Variants in DIABLO observed in about 807,000 individuals in gnomAD.
DIABLO encodes diablo homolog, mitochondrial.
A neutral mutation model predicts 31.7 loss-of-function variants in DIABLO; 32 were observed. The ratio of observed to expected loss-of-function variants is 1.01; its 90% CI spans 0.76 to 1.35. The LOEUF (loss-of-function observed/expected upper bound fraction) is 1.35, where lower values mean the gene tolerates loss of function less well. Among genes scored for constraint, DIABLO ranks in the 40% most tolerant of loss-of-function variants. The probability of loss-of-function intolerance (pLI) is 0.00; values close to 1 mark genes in which losing one functional copy is unlikely to be tolerated. For synonymous variants in DIABLO, 132 were observed against 103.2 expected (o/e 1.28, Z -1.69); for missense variants, 316 against 286.4 (o/e 1.10, Z -0.75).
chr12:122,225,755 A>G, intron 1 of DIABLO: 31 of 1,438,348 alleles, frequency 2.2e-5, no homozygotes, highest in Non-Finnish European at 2.8e-5. Context: ...TTTCTAGAAG[A>G]TGGACGAACT....
At position 122,207,984 on chromosome 12, in the gene DIABLO, A is replaced by G. The variant is rs1389157722; in HGVS notation, c.*397T>C. 1 of 472,022 alleles carries G rather than the reference A, an allele frequency of 2.1e-6. No individual in the cohort carries two copies. The highest frequency in any genetic ancestry group is 4.2e-6 in the Non-Finnish European group (1 of 239,378). The allele number at this position is 472,022 out of a possible 1,614,324, so 29.2% of individuals were successfully genotyped here. A position where few individuals can be genotyped will look rare whatever the true frequency, so the allele number is the denominator to read the frequency against. On this transcript the variant is annotated 3_prime_UTR_variant, in exon 6 of 6. Coordinates refer to ENST00000464942, the MANE Select transcript of DIABLO (RefSeq NM_001371333.1). ...CCTGCCACAACTGGCATCCCAACAG[A>G]GGGAACAAGTACTAAATCATTTTTG...
At chr12:122,223,553 T>A (rs181298840) in intron 2 of DIABLO, among the ~76,000 whole-genome samples, 1 of 152,272 alleles carries the variant, frequency 6.6e-6, no homozygotes, top group East Asian at 1.9e-4. Flanking sequence ...TCTGGCTTCA[T>A]CTATTACGGT....
chr12:122,209,797 A>C, intron 5 of DIABLO: 1 of 703,572 alleles, frequency 1.4e-6, no homozygotes, highest in South Asian at 1.5e-5. Flanking sequence ...CCTTCAGGAC[A>C]ATGTTGACAG....
Position 122,208,093 on chromosome 12 carries a change from T to C in DIABLO, c.*288A>G, listed in dbSNP as rs1315207272. On this transcript the variant is annotated 3_prime_UTR_variant, in exon 6 of 6. Coordinates refer to ENST00000464942, the MANE Select transcript of DIABLO (RefSeq NM_001371333.1). Reference sequence around the variant, plus strand: ...AAAGGACTCCTCTCTCTGACCCAGGTAGGCAAAATGCTTTGGGTGTGAGGT... The same window carrying C: ...AAAGGACTCCTCTCTCTGACCCAGGCAGGCAAAATGCTTTGGGTGTGAGGT... The C allele has an allele frequency of 3.2e-6, 2 of 627,204 alleles. No homozygotes were observed. The highest frequency in any genetic ancestry group is 1.8e-5 in the African/African-American group (1 of 55,528). The allele number at this position is 627,204 out of a possible 1,614,324, so 38.9% of individuals were successfully genotyped here. A position where few individuals can be genotyped will look rare whatever the true frequency, so the allele number is the denominator to read the frequency against.
Position 122,225,564 on chromosome 12 carries a change from G to C in DIABLO, c.50+401C>G, listed in dbSNP as rs964190740. ...GCGCTAGGTAGAGAGCCCTGCGCCAGCTCCCCCGGCCCCTTCTGCCCTCGG... is the reference window on the plus strand; with the variant it reads ...GCGCTAGGTAGAGAGCCCTGCGCCACCTCCCCCGGCCCCTTCTGCCCTCGG... On this transcript the variant is annotated intron_variant, in intron 1 of 5. Transcript: ENST00000464942. 3.4e-6 allele frequency: 4 copies of C among 1,165,178 alleles called. No individual in the cohort carries two copies. In the African/African-American group the frequency reaches 4.8e-5, roughly 14 times the overall value. 72.2% of individuals were successfully genotyped at this position (1,165,178 alleles called of 1,614,324 possible).
chr12:122,226,058 A>G (rs765847156), upstream of DIABLO: 3 of 1,580,352 alleles, frequency 1.9e-6, no homozygotes, highest in South Asian at 3.4e-5. Flanking sequence ...GAAGTGACGC[A>G]GCTTCGTGAG....
Position 122,218,321 on chromosome 12 carries a change from G to A in DIABLO, c.260C>T (p.Thr87Ile). 1 of 1,614,136 alleles carries A rather than the reference G, an allele frequency of 6.2e-7. No individual in the cohort carries two copies. The highest frequency in any genetic ancestry group is 2.2e-5 in the East Asian group (1 of 44,868). ...CGCATATGTGGTCTGAGAGAGAAAG[G>A]TAGAGGTGCTATCTGTTACCAAAGA... ...AVSLVTDSTS[T>I]FLSQTTYALI... The change falls in exon 3 of 6, where the codon ACC (threonine) becomes ATC (isoleucine). Residue 87 changes from threonine (T) to isoleucine (I), a missense_variant. Coordinates refer to ENST00000464942, the MANE Select transcript of DIABLO (RefSeq NM_001371333.1).
Position 122,207,868 on chromosome 12 carries a change from C to A in DIABLO, c.*513G>T. ...TAATAGGTTTTTCACTCCTTGGCCT[C>A]AGCTGTCCTCACAGGACAGTGGGGG... On this transcript the variant is annotated 3_prime_UTR_variant, in exon 6 of 6. Coordinates refer to ENST00000464942, the MANE Select transcript of DIABLO (RefSeq NM_001371333.1). The A allele has an allele frequency of 2.2e-6, 1 of 460,602 alleles. No homozygotes were observed. The highest frequency in any genetic ancestry group is 4.3e-6 in the Non-Finnish European group (1 of 231,316). 28.5% of individuals were successfully genotyped at this position (460,602 alleles called of 1,614,324 possible). A position where few individuals can be genotyped will look rare whatever the true frequency, so the allele number is the denominator to read the frequency against.
At position 122,208,176 on chromosome 12, in the gene DIABLO, G is replaced by T. The variant is rs1037972156; in HGVS notation, c.*205C>A. On this transcript the variant is annotated 3_prime_UTR_variant, in exon 6 of 6. Coordinates refer to ENST00000464942, the MANE Select transcript of DIABLO (RefSeq NM_001371333.1). ...GGGGTGAAATGTTAAACAGGGTGCAGTGCCCAAGGGCTAAGAACCAGGTCC... is the reference window on the plus strand; with the variant it reads ...GGGGTGAAATGTTAAACAGGGTGCATTGCCCAAGGGCTAAGAACCAGGTCC... 2.8e-6 allele frequency: 2 copies of T among 712,084 alleles called. No homozygotes were observed. Among genetic ancestry groups the T allele is most frequent in the Admixed American group, 4.0e-5 (2 of 49,824 alleles). The allele number at this position is 712,084 out of a possible 1,614,324, so 44.1% of individuals were successfully genotyped here. A position where few individuals can be genotyped will look rare whatever the true frequency, so the allele number is the denominator to read the frequency against.
At chr12:122,214,044 C>T (rs1210446829) in intron 5 of DIABLO, among the ~76,000 whole-genome samples, 1 of 152,070 alleles carries the variant, frequency 6.6e-6, no homozygotes, top group Non-Finnish European at 1.5e-5. Context: ...GAGTTCACAC[C>T]ACTGCACTCC....
intron 5 of DIABLO, among the ~76,000 whole-genome samples, chr12:122,214,317 A>G (rs1954156943): frequency 6.6e-6 from 1 of 152,074 alleles, no homozygotes. Context: ...AGTAGCTGGG[A>G]TTGCAGGTGT....
chr12:122,208,384 A>G lies in DIABLO; in HGVS notation c.717T>C (p.Asp239=), dbSNP rs762179961. ...ESEQEAYLRE[D] Reference sequence around the variant, plus strand: ...ACAGGGCAGTGTGCTCAGGCCCTCAATCCTCACGCAGGTAGGCCTCCTGCT... The same window carrying G: ...ACAGGGCAGTGTGCTCAGGCCCTCAGTCCTCACGCAGGTAGGCCTCCTGCT... The change falls in exon 6 of 6, where the codon GAT becomes GAC. Residue 239 remains aspartate, a synonymous_variant. Transcript: ENST00000464942. 1.2e-6 allele frequency: 2 copies of G among 1,611,814 alleles called. No individual in the cohort carries two copies. The highest frequency in any genetic ancestry group is 1.7e-6 in the Non-Finnish European group (2 of 1,179,940).
chr12:122,224,839 C>G (rs1346923133), intron 1 of DIABLO, 195 bp from the exon 2 acceptor site: 5 of 1,503,742 alleles, frequency 3.3e-6, no homozygotes, highest in Non-Finnish European at 4.4e-6. Context: ...GTTGGTGGCT[C>G]ACGCCTGTAA....
intron 2 of DIABLO, among the ~76,000 whole-genome samples, chr12:122,223,157 G>C (rs1175714622): frequency 6.6e-6 from 1 of 151,892 alleles, no homozygotes. Flanking sequence ...TGTGACAGCC[G>C]GGCACGGTGG....
chr12:122,217,979 TAAAA>T (rs35010821), intron 3 of DIABLO, among the ~76,000 whole-genome samples: 3 of 140,330 alleles, frequency 2.1e-5, no homozygotes, highest in African/African-American at 7.7e-5. Flanking sequence ...GATTTTTCTG[TAAAA>T]AAAAAAAAAA....
intron 5 of DIABLO, among the ~76,000 whole-genome samples, chr12:122,209,353 T>C (rs2136081774): frequency 6.9e-6 from 1 of 144,472 alleles, no homozygotes; most frequent in Non-Finnish European, 1.5e-5. Context: ...ACAGACTCCG[T>C]CTCAAAAAAA....
At position 122,218,388 on chromosome 12, in the gene DIABLO, G is replaced by T. The variant is rs1954262353; in HGVS notation, c.193C>A (p.Pro65Thr). ...AATGCTTCACTACTAAGGGAATGAG[G>T]CTCTGATTTCTGAAAGACACAAACA... is the stretch of plus-strand genomic sequence containing the variant. ...CAVPIAQKSEPHSLSSEALMR... is the reference protein window; with the variant it reads ...CAVPIAQKSETHSLSSEALMR... Residue 65 changes from proline to threonine, a missense_variant, in exon 3 of 6, where the codon CCT becomes ACT. Coordinates refer to ENST00000464942, the MANE Select transcript of DIABLO (RefSeq NM_001371333.1). 6.2e-7 allele frequency: 1 copy of T among 1,613,962 alleles called. No homozygotes were observed. Among genetic ancestry groups the T allele is most frequent in the Admixed American group, 1.7e-5 (1 of 60,000 alleles).
intron 3 of DIABLO, 75 bp from the exon 4 acceptor site, chr12:122,216,944 A>T: frequency 7.9e-7 from 1 of 1,269,148 alleles, no homozygotes; most frequent in Non-Finnish European, 1.1e-6. Context: ...TTTCCACCTC[A>T]AGGAAATTAA....
chr12:122,212,306 A>T lies in DIABLO; in HGVS notation c.524-3729T>A, dbSNP rs541465482. Among the ~76,000 whole-genome samples, 30 of 152,236 alleles carry T rather than the reference A, an allele frequency of 2.0e-4. 1 individual carries two copies. Among genetic ancestry groups the T allele is most frequent in the African/African-American group, 6.7e-4 (28 of 41,538 alleles). On this transcript the variant is annotated intron_variant, in intron 5 of 5. Transcript: ENST00000464942. ...TCCCAAATTTAAAAACTTGTTTTAC[A>T]CTCAGAACTTTTGAAAAAAAATCTT... is the stretch of plus-strand genomic sequence containing the variant.
Sources: allele counts gnomAD v4.1 joint callset (sites outside exome capture counted in the v4.1 genomes callset), GRCh38; gene constraint gnomAD v4.1.1; transcripts MANE v1.5; gene names NCBI Gene and HGNC (gene_info 2026-07-23, HGNC 2026-07-21).